Variants in LOC128462377 observed in about 807,000 individuals in gnomAD.
At chr16:89,379,255 T>G in the LOC128462377 span, among the ~76,000 whole-genome samples, 2 of 152,214 alleles carry the variant, frequency 1.3e-5, no homozygotes, top group Admixed American at 6.5e-5. Context: ...GCTTTTTTAA[T>G]CCTATCTTGA....
chr16:89,379,833 T>C, the LOC128462377 span, among the ~76,000 whole-genome samples: 1 of 152,208 alleles, frequency 6.6e-6, no homozygotes, highest in African/African-American at 2.4e-5. Context: ...AGAGTATACA[T>C]AATAATTTCC....
At chr16:89,334,163 A>AC in the LOC128462377 span, among the ~76,000 whole-genome samples, 10 of 143,986 alleles carry the variant, frequency 6.9e-5, 1 homozygote, top group Non-Finnish European at 1.1e-4. Context: ...AAAAAAAAAA[A>AC]AAAAAAAAAA....
At chr16:89,343,975 C>G in the LOC128462377 span, among the ~76,000 whole-genome samples, 2 of 152,226 alleles carry the variant, frequency 1.3e-5, no homozygotes, top group African/African-American at 4.8e-5. Context: ...CCAGCTCTGA[C>G]CGACTGAACC....
At chr16:89,390,346 G>A in the LOC128462377 span, among the ~76,000 whole-genome samples, 4 of 150,794 alleles carry the variant, frequency 2.7e-5, no homozygotes, top group African/African-American at 7.3e-5. Flanking sequence ...TCACTGGGGC[G>A]AACACCGAGT....
chr16:89,413,086 G>A, the LOC128462377 span, among the ~76,000 whole-genome samples: 3 of 152,162 alleles, frequency 2.0e-5, no homozygotes, highest in African/African-American at 7.2e-5. Flanking sequence ...GTAGGAGGGG[G>A]CGCCGCTCAG....
chr16:89,330,610 C>T, the LOC128462377 span, among the ~76,000 whole-genome samples: 151 of 127,812 alleles, frequency 1.2e-3, no homozygotes, highest in Non-Finnish European at 1.7e-3. Flanking sequence ...CAAGGGGCTG[C>T]GTGAGGGTCC....
At chr16:89,398,556 A>G in the LOC128462377 span, among the ~76,000 whole-genome samples, 3 of 152,218 alleles carry the variant, frequency 2.0e-5, no homozygotes, top group Admixed American at 1.3e-4. Context: ...ATCTCTTAAA[A>G]AAAATTTTTT....
the LOC128462377 span, among the ~76,000 whole-genome samples, chr16:89,341,882 C>T: frequency 1.3e-4 from 19 of 145,932 alleles, no homozygotes; most frequent in African/African-American, 4.8e-4. Context: ...CGGCCCACGG[C>T]AGGAGTGCTG....
chr16:89,317,213 G>A, the LOC128462377 span: 3 of 700,106 alleles, frequency 4.3e-6, no homozygotes, highest in African/African-American at 1.8e-5. Flanking sequence ...GCCCGGGCCA[G>A]GCCCAGGAAG....
the LOC128462377 span, among the ~76,000 whole-genome samples, chr16:89,351,590 T>C: frequency 6.6e-6 from 1 of 152,196 alleles, no homozygotes. Context: ...ACGAAGCTTC[T>C]CTCTGTGTTT....
At chr16:89,415,233 T>C in the LOC128462377 span, among the ~76,000 whole-genome samples, 81,500 of 147,146 alleles carry the variant, frequency 0.55, 22,738 homozygotes, top group Middle Eastern at 0.7. Context: ...GGATTACAGG[T>C]GGGAGCCACT....
chr16:89,384,961 C>G, the LOC128462377 span, among the ~76,000 whole-genome samples: 2 of 137,844 alleles, frequency 1.5e-5, no homozygotes, highest in Non-Finnish European at 3.0e-5. Context: ...TCTCAGCTCA[C>G]TGCAACCTCT....
chr16:89,398,028 CTA>C, the LOC128462377 span, among the ~76,000 whole-genome samples: 1 of 152,236 alleles, frequency 6.6e-6, no homozygotes. Flanking sequence ...GTAGCACTGT[CTA>C]TGTGAATAAA....
At chr16:89,385,076 A>T in the LOC128462377 span, among the ~76,000 whole-genome samples, 1 of 151,250 alleles carries the variant, frequency 6.6e-6, no homozygotes, top group Admixed American at 6.6e-5. Context: ...AGTAGAGACG[A>T]TATTTCACCA....
At chr16:89,414,748 G>A in the LOC128462377 span, among the ~76,000 whole-genome samples, 1 of 152,148 alleles carries the variant, frequency 6.6e-6, no homozygotes, top group Non-Finnish European at 1.5e-5. Context: ...CCCAACCTCA[G>A]GGCAGGACCA....
the LOC128462377 span, among the ~76,000 whole-genome samples, chr16:89,374,541 C>T: frequency 9.1e-3 from 1,385 of 152,246 alleles, 35 homozygotes; most frequent in South Asian, 0.063. Context: ...CTCTGCCGGC[C>T]GCTGTGTGTG....
At chr16:89,339,163 A>C in the LOC128462377 span, among the ~76,000 whole-genome samples, 1 of 152,182 alleles carries the variant, frequency 6.6e-6, no homozygotes, top group Non-Finnish European at 1.5e-5. Flanking sequence ...TCCATATCCC[A>C]TCTAGAAACT....
the LOC128462377 span, among the ~76,000 whole-genome samples, chr16:89,365,179 G>A: frequency 6.6e-6 from 1 of 152,124 alleles, no homozygotes; most frequent in African/African-American, 2.4e-5. Context: ...CAACAATCCT[G>A]TCCAGTGATG....
the LOC128462377 span, among the ~76,000 whole-genome samples, chr16:89,335,222 C>T: frequency 6.6e-6 from 1 of 152,262 alleles, no homozygotes; most frequent in East Asian, 1.9e-4. Context: ...GCGTTCCATG[C>T]AGGCTGGGAG....
Sources: allele counts gnomAD v4.1 joint callset (sites outside exome capture counted in the v4.1 genomes callset), GRCh38; gene constraint gnomAD v4.1.1; transcripts MANE v1.5.